Variants in PRKG1 observed in about 807,000 individuals in gnomAD.
PRKG1 encodes cGMP-dependent protein kinase 1.
A neutral mutation model predicts 88.1 loss-of-function variants in PRKG1; 35 were observed. The observed-to-expected ratio is 0.40, with a 90% confidence interval of 0.30 to 0.53. The LOEUF (loss-of-function observed/expected upper bound fraction) is 0.53, where lower values mean the gene tolerates loss of function less well. PRKG1 is among the 20% of genes least tolerant of loss of function. The pLI, the probability that PRKG1 is intolerant of heterozygous loss-of-function variation, is 0.59. For missense variants in PRKG1, 540 were observed against 839.8 expected (o/e 0.64, Z 4.41); for synonymous variants, 303 against 292.5 (o/e 1.04, Z -0.37).
chr10:51,525,067 T>C (rs1841841606), intron 3 of PRKG1, among the ~76,000 whole-genome samples: 1 of 151,598 alleles, frequency 6.6e-6, no homozygotes, highest in East Asian at 1.9e-4. Context: ...TCACCTATAA[T>C]CAGTATAAAG....
At chr10:51,629,302 G>T (rs953867302) in intron 3 of PRKG1, among the ~76,000 whole-genome samples, 42 of 151,880 alleles carry the variant, frequency 2.8e-4, no homozygotes, top group African/African-American at 1.0e-3. Flanking sequence ...CTGAGGTGGG[G>T]GATGCTTTGA....
At position 52,221,445 on chromosome 10, in the gene PRKG1, G is replaced by GT. The variant is rs536846653; in HGVS notation, c.1077-30118dup. On this transcript the variant is annotated intron_variant, in intron 9 of 17. Coordinates refer to ENST00000373980, the MANE Select transcript of PRKG1 (RefSeq NM_006258.4). ...CAACACGTCTTTTTAAAAACTTAGG[G>GT]TTTTTTTACTACTTAATATGAAAGT... Among the ~76,000 whole-genome samples, 346 of 151,962 alleles carry GT rather than the reference G, an allele frequency of 2.3e-3. 3 individuals are homozygous for GT. Among genetic ancestry groups the GT allele is most frequent in the African/African-American group, 7.7e-3 (320 of 41,454 alleles).
chr10:51,818,011 AT>A (rs1461410575), intron 4 of PRKG1, among the ~76,000 whole-genome samples: 3 of 152,152 alleles, frequency 2.0e-5, no homozygotes, highest in Admixed American at 6.5e-5. Context: ...TCCAATTCAT[AT>A]TTTAAGTCCT....
intron 4 of PRKG1, among the ~76,000 whole-genome samples, chr10:51,906,639 A>G (rs1842091979): frequency 6.6e-6 from 1 of 152,140 alleles, no homozygotes; most frequent in East Asian, 1.9e-4. Context: ...GTGGAGACCA[A>G]GGTTCTTATT....
At chr10:51,716,254 C>T (rs997780783) in intron 3 of PRKG1, among the ~76,000 whole-genome samples, 6 of 152,128 alleles carry the variant, frequency 3.9e-5, no homozygotes, top group African/African-American at 4.8e-5. Flanking sequence ...GCTATCAAGC[C>T]GAAACCTGGC....
intron 4 of PRKG1, among the ~76,000 whole-genome samples, chr10:51,840,515 T>A (rs1840244615): frequency 1.4e-5 from 2 of 141,970 alleles, no homozygotes; most frequent in South Asian, 4.6e-4. Flanking sequence ...TTGAACCCTC[T>A]ATTTTATTTA....
chr10:51,340,881 T>C (rs1451397623), intron 2 of PRKG1, among the ~76,000 whole-genome samples: 1 of 152,162 alleles, frequency 6.6e-6, no homozygotes, highest in Non-Finnish European at 1.5e-5. Context: ...ATTTTATCCA[T>C]ATTAAAAAGA....
intron 4 of PRKG1, among the ~76,000 whole-genome samples, chr10:51,841,509 C>T (rs1200667444): frequency 1.3e-5 from 2 of 152,014 alleles, no homozygotes; most frequent in Non-Finnish European, 2.9e-5. Flanking sequence ...TCAGGTCAGT[C>T]TTGAGGAATG....
chr10:51,917,092 C>T (rs925929565), intron 5 of PRKG1, among the ~76,000 whole-genome samples: 11 of 151,846 alleles, frequency 7.2e-5, no homozygotes, highest in African/African-American at 1.7e-4. Flanking sequence ...CTGAGGCAGG[C>T]GGATCACCTG....
At chr10:52,290,135 T>C (rs1842207761) in intron 16 of PRKG1, 89 bp from the exon 17 acceptor site, 7 of 1,028,772 alleles carry the variant, frequency 6.8e-6, no homozygotes, top group Non-Finnish European at 9.9e-6. Context: ...GCCTAACTGC[T>C]TCCCATTAGC....
intron 2 of PRKG1, among the ~76,000 whole-genome samples, chr10:51,293,428 T>A (rs562523611): frequency 2.3e-4 from 35 of 152,310 alleles, no homozygotes; most frequent in African/African-American, 8.4e-4. Context: ...TCTCTATGAG[T>A]TCATCTATTT....
chr10:51,787,874 A>G (rs1265522485), intron 3 of PRKG1, among the ~76,000 whole-genome samples: 1 of 152,192 alleles, frequency 6.6e-6, no homozygotes, highest in Non-Finnish European at 1.5e-5. Context: ...CTATGAGGTG[A>G]GGCAGGCATG....
chr10:51,588,661 G>T (rs141921967), intron 3 of PRKG1, among the ~76,000 whole-genome samples: 327 of 152,266 alleles, frequency 2.1e-3, no homozygotes, highest in African/African-American at 7.3e-3. Flanking sequence ...CAAATGAACA[G>T]ATTTTACTAT....
At chr10:51,979,410 GTTTTT>G (rs61150252) in intron 5 of PRKG1, among the ~76,000 whole-genome samples, 1 of 47,056 alleles carries the variant, frequency 2.1e-5, no homozygotes, top group African/African-American at 8.4e-5. Context: ...ATATTGGTCT[GTTTTT>G]TTTTTTTTTT....
chr10:51,351,776 G>A (rs544289782), intron 2 of PRKG1, among the ~76,000 whole-genome samples: 1 of 152,200 alleles, frequency 6.6e-6, no homozygotes, highest in East Asian at 1.9e-4. Flanking sequence ...TTTGGCTTTT[G>A]CTGCCATTGC....
intron 3 of PRKG1, among the ~76,000 whole-genome samples, chr10:51,579,129 G>A (rs533128039): frequency 3.0e-4 from 45 of 151,456 alleles, no homozygotes; most frequent in African/African-American, 8.5e-4. Context: ...CTACAGGTGC[G>A]TGCCACCACG....
At chr10:51,848,851 ATTTTT>A (rs752886518) in intron 4 of PRKG1, among the ~76,000 whole-genome samples, 2 of 131,446 alleles carry the variant, frequency 1.5e-5, no homozygotes, top group Non-Finnish European at 3.4e-5. Context: ...TTGCGTTTCT[ATTTTT>A]TTTTTTTTTT....
chr10:51,794,575 A>G (rs1233671846), intron 3 of PRKG1, among the ~76,000 whole-genome samples: 1 of 152,100 alleles, frequency 6.6e-6, no homozygotes, highest in Non-Finnish European at 1.5e-5. Context: ...ATATAGTGAC[A>G]GTAGTTATTA....
chr10:52,135,436 A>G (rs773402170), intron 8 of PRKG1, among the ~76,000 whole-genome samples: 1 of 152,106 alleles, frequency 6.6e-6, no homozygotes, highest in Non-Finnish European at 1.5e-5. Context: ...CACTATAACA[A>G]TGGATTTAAT....
Sources: gnomAD v4.1 joint callset for allele counts (sites outside exome capture counted in the v4.1 genomes callset) on GRCh38, gnomAD v4.1.1 for gene constraint, MANE v1.5 for transcripts, NCBI Gene and HGNC (gene_info 2026-07-23, HGNC 2026-07-21) for gene names.